RUNX1: variants seen among roughly 807,000 people sequenced by gnomAD.
RUNX1 encodes the protein RUNX family transcription factor 1.
RUNX1 carries 19 observed loss-of-function variants against 42.8 expected under a neutral mutation model. That is an observed-to-expected ratio of 0.44 (90% CI 0.31 to 0.65). The LOEUF is 0.65. Ranked by LOEUF, RUNX1 falls within the 30% of genes least tolerant of loss-of-function variation. RUNX1 has a pLI of 0.07. For missense variants in RUNX1, 528 were observed against 672.0 expected (o/e 0.79, Z 2.37); for synonymous variants, 271 against 289.4 (o/e 0.94, Z 0.64).
At chr21:34,817,557 G>A (rs565895657) in intron 7 of RUNX1, among the ~76,000 whole-genome samples, 2 of 152,222 alleles carry the variant, frequency 1.3e-5, no homozygotes, top group South Asian at 4.2e-4. Flanking sequence ...ATGCCTCCCG[G>A]CTCAGGTAAG....
chr21:34,891,237 G>T (rs189300990), intron 3 of RUNX1, among the ~76,000 whole-genome samples: 107 of 152,208 alleles, frequency 7.0e-4, no homozygotes, highest in African/African-American at 2.2e-3. Flanking sequence ...CAGCGTCGTG[G>T]GAGCTGCTCA....
intron 2 of RUNX1, among the ~76,000 whole-genome samples, chr21:34,953,126 A>T (rs552392256): frequency 1.5e-4 from 22 of 143,352 alleles, no homozygotes; most frequent in African/African-American, 6.0e-4. Context: ...TGTTTTGGGG[A>T]CTTTTTTTTT....
intron 3 of RUNX1, chr21:34,888,685 T>A: frequency 9.6e-7 from 1 of 1,040,384 alleles, no homozygotes; most frequent in Non-Finnish European, 1.2e-6. Flanking sequence ...GCCCGCTGGC[T>A]CTATGAATGA....
chr21:34,837,504 T>C lies in RUNX1; in HGVS notation c.614-2903A>G, dbSNP rs970162195. 3.3e-5 allele frequency among the ~76,000 whole-genome samples: 5 copies of C among 152,346 alleles called. 1 individual carries two copies. The highest frequency in any genetic ancestry group is 1.5e-5 in the Non-Finnish European group (1 of 68,032). On this transcript the variant is annotated intron_variant, in intron 6 of 8. Coordinates refer to ENST00000675419, the MANE Select transcript of RUNX1 (RefSeq NM_001754.5). ...AAATAGCAATATTTTGCATGAAATA[T>C]AGGAACTTCCGATATAAACTTTCAA...
At chr21:35,002,124 A>G (rs1019616427) in intron 2 of RUNX1, among the ~76,000 whole-genome samples, 1 of 151,936 alleles carries the variant, frequency 6.6e-6, no homozygotes, top group African/African-American at 2.4e-5. Flanking sequence ...TATTATTATT[A>G]TTACTATTTT....
Position 34,944,805 on chromosome 21 carries a change from G to C in RUNX1, c.59-51842C>G, listed in dbSNP as rs371927893. ...TAATTACTAACTATACTATATGAGAGACAGATAGTATAATAACTAATGACT... is the reference window on the plus strand; with the variant it reads ...TAATTACTAACTATACTATATGAGACACAGATAGTATAATAACTAATGACT... On this transcript the variant is annotated intron_variant, in intron 2 of 8. Transcript: ENST00000675419. Among the ~76,000 whole-genome samples the C allele has an allele frequency of 7.9e-5, 12 of 152,152 alleles. No homozygotes were observed. The East Asian group carries it at 1.7e-3, about 22-fold the overall frequency.
intron 6 of RUNX1, among the ~76,000 whole-genome samples, chr21:34,852,951 T>C (rs2057443538): frequency 6.6e-6 from 1 of 152,164 alleles, no homozygotes; most frequent in South Asian, 2.1e-4. Flanking sequence ...TCATAATCAT[T>C]CAAGAGCAAA....
chr21:34,922,788 T>C (rs2058363586), intron 2 of RUNX1, among the ~76,000 whole-genome samples: 1 of 152,196 alleles, frequency 6.6e-6, no homozygotes, highest in African/African-American at 2.4e-5. Context: ...TATTTTCTGC[T>C]CAATTTGGGT....
intron 6 of RUNX1, among the ~76,000 whole-genome samples, chr21:34,857,201 CTG>C (rs1475046405): frequency 6.6e-6 from 1 of 152,210 alleles, no homozygotes; most frequent in Non-Finnish European, 1.5e-5. Flanking sequence ...GCAGGGAAGA[CTG>C]TGTAAAAATG....
intron 4 of RUNX1, among the ~76,000 whole-genome samples, chr21:34,881,494 C>T (rs2057904864): frequency 6.6e-6 from 1 of 152,156 alleles, no homozygotes; most frequent in South Asian, 2.1e-4. Flanking sequence ...CAACAGACCT[C>T]AGAAAGACGG....
intron 5 of RUNX1, among the ~76,000 whole-genome samples, chr21:34,862,469 T>TTCACAATTCTG (rs1314632880): frequency 6.6e-6 from 1 of 152,178 alleles, no homozygotes; most frequent in African/African-American, 2.4e-5. Context: ...AATTAAGACT[T>TTCACAATTCTG]TCACAATTCT....
At chr21:34,967,148 A>C (rs555970254) in intron 2 of RUNX1, among the ~76,000 whole-genome samples, 1 of 150,992 alleles carries the variant, frequency 6.6e-6, no homozygotes, top group Non-Finnish European at 1.5e-5. Context: ...GTGAAACCCT[A>C]TCTCTACTAA....
chr21:35,035,716 G>A (rs867961519), intron 2 of RUNX1, among the ~76,000 whole-genome samples: 4 of 152,088 alleles, frequency 2.6e-5, no homozygotes, highest in South Asian at 2.1e-4. Context: ...CGGAGGACAC[G>A]GGACAGCACT....
intron 2 of RUNX1, among the ~76,000 whole-genome samples, chr21:35,027,696 G>A (rs534917041): frequency 1.3e-5 from 2 of 152,320 alleles, no homozygotes; most frequent in African/African-American, 4.8e-5. Context: ...AGATGGGGGA[G>A]GAAGGGTGGG....
rs746423431 is a variant in RUNX1, at chr21:34,968,826, G to C, written c.59-75863C>G. ...AAGAATGATGCTAACAGAAAGTGTTGTCATTTCTGAACTTTTCTGAACTCT... is the reference window on the plus strand; with the variant it reads ...AAGAATGATGCTAACAGAAAGTGTTCTCATTTCTGAACTTTTCTGAACTCT... On this transcript the variant is annotated intron_variant, in intron 2 of 8. Coordinates refer to ENST00000675419, the MANE Select transcript of RUNX1 (RefSeq NM_001754.5). Among the ~76,000 whole-genome samples, 77 of 152,150 alleles carry C rather than the reference G, an allele frequency of 5.1e-4. 2 individuals carry two copies. The highest frequency in any genetic ancestry group is 8.8e-5 in the Non-Finnish European group (6 of 68,030).
chr21:34,889,964 G>A (rs1319585422), intron 3 of RUNX1: 2 of 602,056 alleles, frequency 3.3e-6, no homozygotes, highest in African/African-American at 2.0e-5. Flanking sequence ...TGGTCCCCGC[G>A]GAGCCCCTCA....
At chr21:35,009,472 C>T (rs140920768) in intron 2 of RUNX1, among the ~76,000 whole-genome samples, 26 of 152,302 alleles carry the variant, frequency 1.7e-4, no homozygotes, top group Admixed American at 2.6e-4. Flanking sequence ...AGAATAATTA[C>T]ACTCCGGTCA....
chr21:35,003,555 T>A (rs1241476710), intron 2 of RUNX1, among the ~76,000 whole-genome samples: 1 of 151,996 alleles, frequency 6.6e-6, no homozygotes, highest in Non-Finnish European at 1.5e-5. Flanking sequence ...CTCAACCATG[T>A]CTTATATTAA....
At chr21:34,994,448 G>A (rs904762089) in intron 2 of RUNX1, among the ~76,000 whole-genome samples, 2 of 152,088 alleles carry the variant, frequency 1.3e-5, no homozygotes, top group Admixed American at 6.6e-5. Context: ...AATGCTGAGA[G>A]GATGGATACC....
Sources: allele counts gnomAD v4.1 joint callset (sites outside exome capture counted in the v4.1 genomes callset), GRCh38; gene constraint gnomAD v4.1.1; transcripts MANE v1.5; gene names NCBI Gene and HGNC (gene_info 2026-07-23, HGNC 2026-07-21).